HYCC2: variants seen among roughly 807,000 people sequenced by gnomAD.
HYCC2 encodes the protein hyccin PI4KA lipid kinase complex subunit 2.
At chr2:200,979,192 T>A in the HYCC2 span, 1 of 151,922 alleles carries the variant, frequency 6.6e-6, no homozygotes, top group Non-Finnish European at 1.5e-5. Context: ...TTATTTGACA[T>A]CCCTTAAATT....
the HYCC2 span, chr2:200,979,322 C>CT: frequency 6.6e-6 from 1 of 151,802 alleles, no homozygotes; most frequent in Admixed American, 6.6e-5. Context: ...AATAAATTGT[C>CT]TACTTATCAA....
chr2:200,994,111 A>G, the HYCC2 span, among the ~76,000 whole-genome samples: 1 of 152,238 alleles, frequency 6.6e-6, no homozygotes, highest in African/African-American at 2.4e-5. Context: ...AAGTTTCTTC[A>G]TTTATTCCTC....
chr2:201,005,455 G>A, the HYCC2 span, among the ~76,000 whole-genome samples: 1 of 151,914 alleles, frequency 6.6e-6, no homozygotes, highest in Non-Finnish European at 1.5e-5. Flanking sequence ...TACCAGTGCT[G>A]CAACTGTGGG....
chr2:201,054,396 T>C, the HYCC2 span, among the ~76,000 whole-genome samples: 1 of 152,170 alleles, frequency 6.6e-6, no homozygotes, highest in South Asian at 2.1e-4. Context: ...AATCATGAAA[T>C]GTGGGAATGG....
At chr2:200,981,672 C>T in the HYCC2 span, 3 of 1,614,148 alleles carry the variant, frequency 1.9e-6, no homozygotes, top group Admixed American at 1.7e-5. The surrounding 1 kb of genome is among the most constrained non-coding windows in gnomAD (Gnocchi z 4.5). Flanking sequence ...CTCGAGGGCT[C>T]TCACTGGATT....
At chr2:200,974,084 C>T in the HYCC2 span, 2 of 151,894 alleles carry the variant, frequency 1.3e-5, no homozygotes, top group South Asian at 2.1e-4. Flanking sequence ...GTCACTAGTC[C>T]TAGGTTGAAA....
the HYCC2 span, among the ~76,000 whole-genome samples, chr2:201,058,525 T>A: frequency 2.6e-5 from 4 of 152,098 alleles, no homozygotes; most frequent in Non-Finnish European, 5.9e-5. Context: ...GCCAACATGG[T>A]GAAACCCCGT....
chr2:201,009,017 A>G, the HYCC2 span: 1 of 1,613,994 alleles, frequency 6.2e-7, no homozygotes. Flanking sequence ...GAAGATCACT[A>G]TAAACAACTC....
the HYCC2 span, chr2:201,066,984 TGAA>T: frequency 1.3e-4 from 38 of 301,238 alleles, no homozygotes; most frequent in Non-Finnish European, 2.0e-4. Context: ...GAGTTCACCA[TGAA>T]GAAGATAGAA....
chr2:200,996,905 T>G, the HYCC2 span: 1 of 152,286 alleles, frequency 6.6e-6, no homozygotes, highest in Non-Finnish European at 1.5e-5. Flanking sequence ...AACCCTAGAT[T>G]TGGATGTCTT....
chr2:201,022,130 G>GGAACA, the HYCC2 span: 3 of 1,285,470 alleles, frequency 2.3e-6, no homozygotes, highest in Admixed American at 4.6e-5. Context: ...AAGATAAGAA[G>GGAACA]CTACTTTCCT....
At chr2:201,046,462 T>G in the HYCC2 span, among the ~76,000 whole-genome samples, 1 of 152,110 alleles carries the variant, frequency 6.6e-6, no homozygotes, top group African/African-American at 2.4e-5. Context: ...GGAGTATCTC[T>G]GGAAAGACAC....
the HYCC2 span, among the ~76,000 whole-genome samples, chr2:201,065,063 AT>A: frequency 6.6e-6 from 1 of 152,230 alleles, no homozygotes; most frequent in Admixed American, 6.5e-5. Context: ...TGTAATTACC[AT>A]CACAATCAAG....
the HYCC2 span, chr2:201,063,997 T>A: frequency 6.3e-7 from 1 of 1,597,572 alleles, no homozygotes. Context: ...GAAACTAAGG[T>A]GGCTATGGCG....
chr2:201,029,340 AC>A, the HYCC2 span, among the ~76,000 whole-genome samples: 2 of 152,088 alleles, frequency 1.3e-5, no homozygotes, highest in African/African-American at 4.8e-5. Context: ...GGGAGTGTAA[AC>A]TAGTTCAACC....
At chr2:201,035,365 C>CTGA in the HYCC2 span, among the ~76,000 whole-genome samples, 1 of 152,194 alleles carries the variant, frequency 6.6e-6, no homozygotes, top group Non-Finnish European at 1.5e-5. Flanking sequence ...TCTTCCATCA[C>CTGA]TGATACCCTT....
the HYCC2 span, among the ~76,000 whole-genome samples, chr2:201,042,571 C>T: frequency 1.3e-5 from 2 of 151,510 alleles, no homozygotes; most frequent in Non-Finnish European, 2.9e-5. Context: ...GACCAGCCGC[C>T]CCGTCTGAGA....
chr2:201,004,606 T>C, the HYCC2 span, among the ~76,000 whole-genome samples: 1 of 152,104 alleles, frequency 6.6e-6, no homozygotes, highest in Non-Finnish European at 1.5e-5. Context: ...CTGCATTAGG[T>C]TTTGCTTATC....
the HYCC2 span, among the ~76,000 whole-genome samples, chr2:201,037,677 C>T: frequency 2.6e-5 from 4 of 152,190 alleles, no homozygotes; most frequent in African/African-American, 9.7e-5. Context: ...GCTGGGAAAA[C>T]TGGCTAGCCA....
Sources: allele counts gnomAD v4.1 joint callset (sites outside exome capture counted in the v4.1 genomes callset), GRCh38; gene constraint gnomAD v4.1.1; non-coding constraint Gnocchi (gnomAD v3.1); transcripts MANE v1.5; gene names NCBI Gene and HGNC (gene_info 2026-07-23, HGNC 2026-07-21).